Variants in SNTG1 observed in about 807,000 individuals in gnomAD.
SNTG1 encodes syntrophin gamma 1.
SNTG1 carries 39 observed loss-of-function variants against 74.7 expected under a neutral mutation model. That is an observed-to-expected ratio of 0.52 (90% CI 0.40 to 0.68). The LOEUF is 0.68. SNTG1 is among the 30% of genes least tolerant of loss of function. The pLI, the probability that SNTG1 is intolerant of heterozygous loss-of-function variation, is 0.00. For synonymous variants in SNTG1, 254 were observed against 217.1 expected, an observed-to-expected ratio of 1.17 and a Z score of -1.49; for missense variants, 685 against 609.5, an observed-to-expected ratio of 1.12 and a Z score of -1.30.
intron 12 of SNTG1, among the ~76,000 whole-genome samples, chr8:50,572,337 T>G (rs1217470230): frequency 6.6e-6 from 1 of 151,832 alleles, no homozygotes; most frequent in African/African-American, 2.4e-5. Context: ...AATGAATGAT[T>G]CGACACTGAA....
chr8:50,162,251 C>T (rs1271892814), intron 1 of SNTG1, among the ~76,000 whole-genome samples: 1 of 152,004 alleles, frequency 6.6e-6, no homozygotes, highest in Non-Finnish European at 1.5e-5. Context: ...CAGAGTGAAC[C>T]CTGCGGCCTG....
intron 2 of SNTG1, among the ~76,000 whole-genome samples, chr8:50,302,005 T>C (rs2089672402): frequency 6.6e-6 from 1 of 152,070 alleles, no homozygotes; most frequent in South Asian, 2.1e-4. Context: ...TACAAATGCC[T>C]GCCACCACGC....
chr8:50,124,466 C>T (rs55860714), intron 1 of SNTG1, among the ~76,000 whole-genome samples: 4,520 of 142,106 alleles, frequency 0.032, 724 homozygotes, highest in African/African-American at 0.11. Context: ...TTTTAATAGA[C>T]TGTGTAAAAT....
At chr8:50,068,183 T>C (rs1430022412) in intron 1 of SNTG1, among the ~76,000 whole-genome samples, 3 of 152,206 alleles carry the variant, frequency 2.0e-5, no homozygotes, top group African/African-American at 7.2e-5. Flanking sequence ...TCTTCTCACA[T>C]TGCAGGTTTG....
intron 2 of SNTG1, among the ~76,000 whole-genome samples, chr8:50,231,185 T>A (rs1402535811): frequency 1.3e-5 from 2 of 151,152 alleles, no homozygotes; most frequent in African/African-American, 4.8e-5. Flanking sequence ...CTATGAGATA[T>A]GGCCTTATTT....
At chr8:50,008,320 A>G (rs965748969) in intron 1 of SNTG1, among the ~76,000 whole-genome samples, 1 of 152,186 alleles carries the variant, frequency 6.6e-6, no homozygotes, top group East Asian at 1.9e-4. Flanking sequence ...TACCTGCCTC[A>G]AAGGGCTGTT....
intron 2 of SNTG1, among the ~76,000 whole-genome samples, chr8:50,257,376 G>T (rs115428073): frequency 1.3e-5 from 2 of 152,068 alleles, no homozygotes; most frequent in Non-Finnish European, 2.9e-5. Flanking sequence ...GTGCCCCTCC[G>T]TGAAAAGCAG....
At chr8:50,344,431 C>G (rs957507723) in intron 2 of SNTG1, among the ~76,000 whole-genome samples, 4 of 152,160 alleles carry the variant, frequency 2.6e-5, no homozygotes, top group Admixed American at 2.6e-4. Flanking sequence ...TCACATCTGC[C>G]TCACTGTTTT....
chr8:49,955,284 A>T (rs1234163821), intron 1 of SNTG1, among the ~76,000 whole-genome samples: 1 of 152,234 alleles, frequency 6.6e-6, no homozygotes, highest in East Asian at 1.9e-4. Context: ...TAAACCTAAA[A>T]TGATCTCATT....
intron 2 of SNTG1, among the ~76,000 whole-genome samples, chr8:50,348,008 T>C (rs1185334288): frequency 6.6e-6 from 1 of 152,092 alleles, no homozygotes; most frequent in Admixed American, 6.6e-5. Context: ...TACTGTAAGG[T>C]TGAGATCTAT....
chr8:50,176,276 A>T (rs1254632633), intron 2 of SNTG1, among the ~76,000 whole-genome samples: 1 of 152,154 alleles, frequency 6.6e-6, no homozygotes, highest in Admixed American at 6.5e-5. Flanking sequence ...GTGCCACCAG[A>T]ATCATTGTTC....
At chr8:50,709,572 G>T (rs936915542) in intron 17 of SNTG1, among the ~76,000 whole-genome samples, 2 of 152,070 alleles carry the variant, frequency 1.3e-5, no homozygotes, top group African/African-American at 4.8e-5. Context: ...TGCCTACTCA[G>T]CCAGTCATAC....
intron 2 of SNTG1, among the ~76,000 whole-genome samples, chr8:50,214,793 C>T (rs1295189108): frequency 6.6e-6 from 1 of 152,026 alleles, no homozygotes; most frequent in Admixed American, 6.6e-5. Context: ...AGGGACCTGG[C>T]AAATAGAGAA....
chr8:49,984,430 C>A (rs1812967445), intron 1 of SNTG1, among the ~76,000 whole-genome samples: 1 of 152,116 alleles, frequency 6.6e-6, no homozygotes, highest in African/African-American at 2.4e-5. Context: ...ATCTCAAACT[C>A]CTGACCTCAG....
At chr8:49,974,949 G>T (rs142919251) in intron 1 of SNTG1, among the ~76,000 whole-genome samples, 2 of 151,998 alleles carry the variant, frequency 1.3e-5, no homozygotes, top group Non-Finnish European at 2.9e-5. Context: ...TTCCAATTGC[G>T]GAGTGAAACT....
intron 2 of SNTG1, among the ~76,000 whole-genome samples, chr8:50,182,945 T>C (rs2131726034): frequency 6.6e-6 from 1 of 152,218 alleles, no homozygotes; most frequent in East Asian, 1.9e-4. Context: ...TATATTATTC[T>C]CCCCTTTATC....
rs192552696 is a variant in SNTG1 at position 50,305,952 on chromosome 8, G to A, written c.-27-88260G>A. Among the ~76,000 whole-genome samples the A allele has an allele frequency of 8.5e-3, 1,281 of 150,396 alleles. 2 individuals carry two copies. The highest frequency in any genetic ancestry group is 0.021 in the Middle Eastern group (6 of 286). Reference sequence around the variant, plus strand: ...AGCTTTGGGGGTACAAAGGGTTTTCGGTTACATGGATAAATTTTGTAATGA... The same window carrying A: ...AGCTTTGGGGGTACAAAGGGTTTTCAGTTACATGGATAAATTTTGTAATGA... On this transcript the variant is annotated intron_variant, in intron 2 of 18. Coordinates refer to ENST00000642720, the MANE Select transcript of SNTG1 (RefSeq NM_018967.5).
chr8:50,569,041 AC>A (rs2094532071), intron 12 of SNTG1: 2 of 152,014 alleles, frequency 1.3e-5, no homozygotes, highest in Admixed American at 6.6e-5. Flanking sequence ...TTTCCCAGAA[AC>A]CCTTTTGGTA....
intron 2 of SNTG1, among the ~76,000 whole-genome samples, chr8:50,250,709 A>G (rs1486094410): frequency 6.6e-6 from 1 of 152,106 alleles, no homozygotes; most frequent in East Asian, 1.9e-4. Flanking sequence ...GCAAACAAAC[A>G]AAAATAAAAA....
Sources: allele counts gnomAD v4.1 joint callset (sites outside exome capture counted in the v4.1 genomes callset), GRCh38; gene constraint gnomAD v4.1.1; transcripts MANE v1.5; gene names NCBI Gene and HGNC (gene_info 2026-07-23, HGNC 2026-07-21).